KMT2C: variants seen among roughly 807,000 people sequenced by gnomAD.
KMT2C encodes the protein lysine methyltransferase 2C.
Under a neutral mutation model 507.9 loss-of-function variants are expected in KMT2C, and 88 were observed. The observed-to-expected ratio is 0.17, with a 90% CI of 0.15 to 0.21. KMT2C has a LOEUF of 0.21. Among genes scored for constraint, KMT2C ranks in the 10% least tolerant of loss-of-function variants. KMT2C has a pLI of 1.00. For missense variants in KMT2C, 4,954 were observed against 5,957.8 expected, an observed-to-expected ratio of 0.83 and a Z score of 5.55; for synonymous variants, 2,049 against 2,080.8, an observed-to-expected ratio of 0.98 and a Z score of 0.42.
At chr7:152,239,633 C>T (rs2095348291) in intron 14 of KMT2C, among the ~76,000 whole-genome samples, 1 of 152,164 alleles carries the variant, frequency 6.6e-6, no homozygotes, top group Non-Finnish European at 1.5e-5. Flanking sequence ...CAAACAACCA[C>T]ATTCAGCAAT....
intron 23 of KMT2C, among the ~76,000 whole-genome samples, chr7:152,217,345 T>C (rs943701775): frequency 6.6e-6 from 1 of 152,206 alleles, no homozygotes; most frequent in African/African-American, 2.4e-5. Context: ...ATCTAAAACA[T>C]TTTTAATATG....
At chr7:152,202,414 A>G (rs534040104) in intron 26 of KMT2C, among the ~76,000 whole-genome samples, 7 of 152,236 alleles carry the variant, frequency 4.6e-5, no homozygotes, top group Admixed American at 6.5e-5. Context: ...TCTATCAAAC[A>G]TAATTTATTC....
At chr7:152,208,533 G>A (rs533368311) in intron 23 of KMT2C, among the ~76,000 whole-genome samples, 1 of 152,272 alleles carries the variant, frequency 6.6e-6, no homozygotes, top group Non-Finnish European at 1.5e-5. Context: ...TTGTTAGTAG[G>A]ATACCTAATA....
intron 8 of KMT2C, 61 bp from the exon 9 acceptor site, chr7:152,263,191 T>G (rs2095808243): frequency 7.0e-7 from 1 of 1,423,464 alleles, no homozygotes; most frequent in African/African-American, 1.4e-5. Flanking sequence ...GTAACATAAG[T>G]AATCATGAAA....
chr7:152,387,134 AT>A (rs936037141), intron 1 of KMT2C, among the ~76,000 whole-genome samples: 1 of 151,888 alleles, frequency 6.6e-6, no homozygotes, highest in African/African-American at 2.4e-5. Flanking sequence ...TACCATGTAC[AT>A]TAAAGAGATC....
intron 14 of KMT2C, among the ~76,000 whole-genome samples, chr7:152,243,311 G>A (rs1313658230): frequency 1.3e-5 from 2 of 152,184 alleles, no homozygotes; most frequent in African/African-American, 4.8e-5. Flanking sequence ...CTAATCGGCT[G>A]TGTTGTTAGC....
At chr7:152,361,101 T>C (rs1397548350) in intron 1 of KMT2C, among the ~76,000 whole-genome samples, 3 of 151,964 alleles carry the variant, frequency 2.0e-5, no homozygotes, top group Non-Finnish European at 4.4e-5. Flanking sequence ...GCAGTCAAAA[T>C]AGCATCACTT....
At chr7:152,379,676 G>A (rs1240922838) in intron 1 of KMT2C, among the ~76,000 whole-genome samples, 1 of 152,278 alleles carries the variant, frequency 6.6e-6, no homozygotes, top group Non-Finnish European at 1.5e-5. Flanking sequence ...AGGCTGCAGT[G>A]AGCTAGAACT....
At chr7:152,271,786 T>C (rs1255729952) in intron 7 of KMT2C, among the ~76,000 whole-genome samples, 1 of 151,834 alleles carries the variant, frequency 6.6e-6, no homozygotes, top group Admixed American at 6.6e-5. Flanking sequence ...CCTATGAAAC[T>C]GATATTTTTC....
At chr7:152,265,725 G>T (rs953780811) in intron 7 of KMT2C, among the ~76,000 whole-genome samples, 8 of 151,846 alleles carry the variant, frequency 5.3e-5, no homozygotes, top group Non-Finnish European at 8.8e-5. Context: ...TCATATAAGG[G>T]CTTTTTTTTA....
chr7:152,299,303 C>T (rs1589021987), intron 6 of KMT2C, among the ~76,000 whole-genome samples: 1 of 147,682 alleles, frequency 6.8e-6, no homozygotes, highest in African/African-American at 2.6e-5. Flanking sequence ...GGCAACAGAG[C>T]GAGACTCTAT....
chr7:152,156,386 C>T (rs767618125), intron 44 of KMT2C, 40 bp from the exon 45 acceptor site: 25 of 1,607,556 alleles, frequency 1.6e-5, no homozygotes, highest in East Asian at 6.7e-5. Flanking sequence ...TGCTACTGAG[C>T]GAATATGCAA....
chr7:152,286,583 A>G (rs889921036), intron 6 of KMT2C, among the ~76,000 whole-genome samples: 2 of 148,786 alleles, frequency 1.3e-5, no homozygotes, highest in Non-Finnish European at 3.0e-5. Flanking sequence ...GAAAAACAGC[A>G]AAAATGAATG....
chr7:152,252,846 T>C (rs1196659689), intron 9 of KMT2C, 131 bp from the exon 10 acceptor site: 1 of 666,626 alleles, frequency 1.5e-6, no homozygotes, highest in East Asian at 2.8e-5. Context: ...ATGACACTAA[T>C]TTAGGGTACA....
intron 1 of KMT2C, among the ~76,000 whole-genome samples, chr7:152,361,354 A>T (rs576655167): frequency 6.6e-6 from 1 of 152,080 alleles, no homozygotes; most frequent in African/African-American, 2.4e-5. Context: ...AGGTCAGGAG[A>T]TCGAGACCAT....
At chr7:152,282,002 T>C (rs2096221670) in intron 6 of KMT2C, among the ~76,000 whole-genome samples, 1 of 151,634 alleles carries the variant, frequency 6.6e-6, no homozygotes, top group African/African-American at 2.4e-5. Flanking sequence ...TGTAAGAAAA[T>C]AACATATGGA....
At chr7:152,146,478 G>C in intron 53 of KMT2C, 121 bp downstream of exon 53, 1 of 898,948 alleles carries the variant, frequency 1.1e-6, no homozygotes, top group South Asian at 1.7e-5. Context: ...TAAGAGAAAC[G>C]GGTTAATGCA....
At chr7:152,243,738 C>T (rs1381742775) in intron 14 of KMT2C, among the ~76,000 whole-genome samples, 1 of 152,112 alleles carries the variant, frequency 6.6e-6, no homozygotes, top group Middle Eastern at 3.4e-3. Context: ...TGAGTGAGGT[C>T]GTGCCACAAC....
intron 24 of KMT2C, among the ~76,000 whole-genome samples, 195 bp downstream of exon 24, chr7:152,207,105 C>T (rs1326341641): frequency 6.6e-6 from 1 of 152,022 alleles, no homozygotes; most frequent in Non-Finnish European, 1.5e-5. Context: ...GAAGTATTCA[C>T]ACATTCAAAA....
Sources: gnomAD v4.1 joint callset for allele counts (sites outside exome capture counted in the v4.1 genomes callset) on GRCh38, gnomAD v4.1.1 for gene constraint, MANE v1.5 for transcripts, NCBI Gene and HGNC (gene_info 2026-07-23, HGNC 2026-07-21) for gene names.